Variants in OPRD1 observed in about 807,000 individuals in gnomAD.
OPRD1 encodes opioid receptor delta 1.
A neutral mutation model predicts 17.5 loss-of-function variants in OPRD1; 19 were observed. The observed-to-expected ratio is 1.09, with a 90% CI of 0.76 to 1.60. The LOEUF (loss-of-function observed/expected upper bound fraction) is 1.60. Ranked by LOEUF, OPRD1 falls within the 40% of genes most tolerant of loss-of-function variation. The probability of loss-of-function intolerance (pLI) is 0.00; values close to 1 mark genes in which losing one functional copy is unlikely to be tolerated. For synonymous variants in OPRD1, 256 were observed against 240.9 expected, an observed-to-expected ratio of 1.06 and a Z score of -0.58; for missense variants, 483 against 547.2, an observed-to-expected ratio of 0.88 and a Z score of 1.17.
intron 2 of OPRD1, among the ~76,000 whole-genome samples, chr1:28,860,810 G>T (rs1375434164): frequency 6.6e-6 from 1 of 152,118 alleles, no homozygotes; most frequent in Non-Finnish European, 1.5e-5. Context: ...TGATGCTGTG[G>T]GTGGGAGAGA....
chr1:28,860,094 G>A (rs2089099545), intron 2 of OPRD1, among the ~76,000 whole-genome samples: 1 of 152,252 alleles, frequency 6.6e-6, no homozygotes, highest in Non-Finnish European at 1.5e-5. Flanking sequence ...GTTGGGTGCA[G>A]TGGCTCATGC....
intron 1 of OPRD1, among the ~76,000 whole-genome samples, chr1:28,814,498 A>G (rs180971328): frequency 2.0e-5 from 3 of 152,290 alleles, no homozygotes; most frequent in Admixed American, 6.5e-5. Flanking sequence ...AGTAGCTGTG[A>G]TTCTGAGAGC....
chr1:28,840,290 G>T (rs2088885091), intron 1 of OPRD1, among the ~76,000 whole-genome samples: 1 of 152,152 alleles, frequency 6.6e-6, no homozygotes, highest in Non-Finnish European at 1.5e-5. Flanking sequence ...GTCTCGCTCT[G>T]TCCCTCAGGC....
At chr1:28,854,578 G>C (rs113725655) in intron 1 of OPRD1, among the ~76,000 whole-genome samples, 7,610 of 152,094 alleles carry the variant, frequency 0.05, 224 homozygotes, top group Middle Eastern at 0.14. Flanking sequence ...GTGGGAGAGG[G>C]AGGCTGCCGC....
intron 1 of OPRD1, among the ~76,000 whole-genome samples, chr1:28,825,635 C>T (rs1356660842): frequency 6.6e-6 from 1 of 152,250 alleles, no homozygotes; most frequent in Non-Finnish European, 1.5e-5. Flanking sequence ...CCGCCTGCCT[C>T]AGCCTCCCAA....
intron 1 of OPRD1, among the ~76,000 whole-genome samples, chr1:28,857,267 A>G (rs1474980302): frequency 2.6e-5 from 4 of 152,128 alleles, no homozygotes; most frequent in Admixed American, 2.6e-4. Flanking sequence ...AGGTTGCTAC[A>G]AACATTACCC....
At chr1:28,823,357 C>T (rs1310344196) in intron 1 of OPRD1, among the ~76,000 whole-genome samples, 2 of 145,300 alleles carry the variant, frequency 1.4e-5, no homozygotes, top group East Asian at 2.0e-4. Flanking sequence ...CCACTACACC[C>T]GGCTATTCTT....
chr1:28,826,625 A>G (rs566106992), intron 1 of OPRD1, among the ~76,000 whole-genome samples: 24 of 152,226 alleles, frequency 1.6e-4, no homozygotes, highest in Non-Finnish European at 2.9e-4. Flanking sequence ...TTTTATTGCT[A>G]ACAAAATACT....
intron 1 of OPRD1, among the ~76,000 whole-genome samples, chr1:28,817,582 G>T (rs1010555379): frequency 6.6e-6 from 1 of 152,244 alleles, no homozygotes; most frequent in Non-Finnish European, 1.5e-5. Flanking sequence ...TGGACCCAGG[G>T]CCTCTGGGCC....
intron 1 of OPRD1, among the ~76,000 whole-genome samples, chr1:28,847,317 G>GC (rs892504164): frequency 6.6e-6 from 1 of 152,100 alleles, no homozygotes; most frequent in Admixed American, 6.6e-5. Flanking sequence ...CTCCCAAAGT[G>GC]CTGGGATTAC....
chr1:28,841,037 C>T (rs1288668829), intron 1 of OPRD1, among the ~76,000 whole-genome samples: 1 of 152,232 alleles, frequency 6.6e-6, no homozygotes, highest in East Asian at 1.9e-4. Context: ...CAATTACAGG[C>T]TTAAGGAGCA....
chr1:28,860,384 T>C (rs1440442116), intron 2 of OPRD1, among the ~76,000 whole-genome samples: 1 of 151,552 alleles, frequency 6.6e-6, no homozygotes, highest in Non-Finnish European at 1.5e-5. Flanking sequence ...AAAAAATTTA[T>C]GGCCCATTTC....
intron 1 of OPRD1, among the ~76,000 whole-genome samples, chr1:28,822,487 A>G (rs559430295): frequency 6.6e-6 from 1 of 151,652 alleles, no homozygotes; most frequent in East Asian, 2.0e-4. Context: ...TGATTGATTG[A>G]CTGATTGATT....
intron 1 of OPRD1, among the ~76,000 whole-genome samples, 161 bp from the exon 2 acceptor site, chr1:28,858,793 G>T (rs566693362): frequency 6.6e-6 from 1 of 152,062 alleles, no homozygotes; most frequent in African/African-American, 2.4e-5. Flanking sequence ...TGATCCACCC[G>T]CCTTGGCCTC....
At chr1:28,838,159 A>T (rs2088868843) in intron 1 of OPRD1, among the ~76,000 whole-genome samples, 1 of 152,054 alleles carries the variant, frequency 6.6e-6, no homozygotes, top group Admixed American at 6.5e-5. Context: ...TGGTGAAATG[A>T]TGATAGTGAT....
chr1:28,835,927 C>A (rs1248952626), intron 1 of OPRD1, among the ~76,000 whole-genome samples: 1 of 152,198 alleles, frequency 6.6e-6, no homozygotes, highest in Non-Finnish European at 1.5e-5. Context: ...GCAGTGCTCA[C>A]CTCCTGTGGC....
At chr1:28,851,644 G>A (rs1048699689) in intron 1 of OPRD1, among the ~76,000 whole-genome samples, 2 of 152,140 alleles carry the variant, frequency 1.3e-5, no homozygotes, top group Non-Finnish European at 2.9e-5. Flanking sequence ...GGCCGAGGCG[G>A]GCGGATCACC....
chr1:28,824,845 T>G (rs1035141521), intron 1 of OPRD1, among the ~76,000 whole-genome samples: 1 of 149,932 alleles, frequency 6.7e-6, no homozygotes, highest in Non-Finnish European at 1.5e-5. Context: ...ACACTCTTTT[T>G]TTTTGAGACG....
At chr1:28,820,647 A>T (rs1268565897) in intron 1 of OPRD1, among the ~76,000 whole-genome samples, 2 of 152,012 alleles carry the variant, frequency 1.3e-5, no homozygotes, top group Non-Finnish European at 2.9e-5. Flanking sequence ...ACAATATGGC[A>T]AGACCCTGTC....
Sources: allele counts gnomAD v4.1 joint callset (sites outside exome capture counted in the v4.1 genomes callset), GRCh38; gene constraint gnomAD v4.1.1; transcripts MANE v1.5; gene names NCBI Gene and HGNC (gene_info 2026-07-23, HGNC 2026-07-21).